The following XDH variants were observed in gnomAD, a reference collection of about 807,000 sequenced individuals.
XDH encodes xanthine dehydrogenase/oxidase.
A neutral mutation model predicts 156.1 loss-of-function variants in XDH; 138 were observed. That is an observed-to-expected ratio of 0.88 (90% CI 0.77 to 1.02). The LOEUF (loss-of-function observed/expected upper bound fraction) is 1.02. XDH is among the 50% of genes least tolerant of loss of function. XDH has a pLI of 0.00. For synonymous variants in XDH, 669 were observed against 625.7 expected (o/e 1.07, Z -1.03); for missense variants, 1,849 against 1,684.9 (o/e 1.10, Z -1.71).
At chr2:31,370,711 A>G (rs1027313733) in intron 17 of XDH, among the ~76,000 whole-genome samples, 1 of 152,238 alleles carries the variant, frequency 6.6e-6, no homozygotes, top group East Asian at 1.9e-4. Context: ...TATAAAGTGA[A>G]TAAGCCAGCC....
intron 4 of XDH, among the ~76,000 whole-genome samples, chr2:31,400,224 C>T (rs929921058): frequency 1.3e-4 from 19 of 149,662 alleles, no homozygotes; most frequent in African/African-American, 4.5e-4. Context: ...CTGGGCCAAG[C>T]TCTGGTAACT....
intron 24 of XDH, among the ~76,000 whole-genome samples, chr2:31,354,170 G>T (rs1291305631): frequency 6.6e-6 from 1 of 152,138 alleles, no homozygotes; most frequent in Non-Finnish European, 1.5e-5. Flanking sequence ...CCTAACCTGG[G>T]TATCAACAAA....
chr2:31,414,496 CGA>C, intron 1 of XDH, 127 bp downstream of exon 1: 5 of 1,361,906 alleles, frequency 3.7e-6, no homozygotes, highest in Non-Finnish European at 5.2e-6. Context: ...ACCTTTAAAG[CGA>C]GAGAGAGAAA....
At chr2:31,413,877 C>T (rs1687408121) in intron 1 of XDH, among the ~76,000 whole-genome samples, 1 of 152,094 alleles carries the variant, frequency 6.6e-6, no homozygotes, top group Admixed American at 6.6e-5. Context: ...CTTGCCCCCT[C>T]TCTCTCTGCA....
chr2:31,377,064 C>T lies in XDH; in HGVS notation c.1416G>A (p.Arg472=), dbSNP rs1384594266. The change falls in exon 14 of 36, where the codon AGG becomes AGA. Residue 472 remains arginine (R), a synonymous_variant. Transcript: ENST00000379416. The stretch of plus-strand genomic sequence containing the variant: ...CTGTTAGCTCTTACTTGGAAAGCTG[C>T]CTCTGAGTGGTCTTGAGGGCTGAGA... ...RTISALKTTQ[R]QLSKLWKEEL... 1.2e-6 allele frequency: 2 copies of T among 1,613,992 alleles called. No individual in the cohort carries two copies. The highest frequency in any genetic ancestry group is 1.7e-6 in the Non-Finnish European group (2 of 1,180,018).
chr2:31,405,693 C>T (rs937985324), intron 2 of XDH, among the ~76,000 whole-genome samples: 2 of 152,142 alleles, frequency 1.3e-5, no homozygotes, highest in South Asian at 2.1e-4. Context: ...CGGGGAGACA[C>T]CTCGAAGATC....
chr2:31,382,018 T>A (rs1360697888), intron 11 of XDH, among the ~76,000 whole-genome samples: 1 of 152,162 alleles, frequency 6.6e-6, no homozygotes, highest in Non-Finnish European at 1.5e-5. Flanking sequence ...CCCGAAAGGA[T>A]TGAGGTGATT....
intron 17 of XDH, among the ~76,000 whole-genome samples, chr2:31,372,017 C>A (rs1312711666): frequency 6.6e-5 from 10 of 152,242 alleles, no homozygotes; most frequent in Non-Finnish European, 1.3e-4. Flanking sequence ...AAGTAACATA[C>A]CCTGCTTGTG....
chr2:31,389,893 TG>T (rs1231369797), intron 6 of XDH, among the ~76,000 whole-genome samples: 2 of 151,782 alleles, frequency 1.3e-5, no homozygotes, highest in African/African-American at 4.8e-5. Context: ...CAGAAAAAAC[TG>T]AGTGGAAGAT....
At chr2:31,381,990 G>C (rs1686448707) in intron 11 of XDH, among the ~76,000 whole-genome samples, 1 of 152,184 alleles carries the variant, frequency 6.6e-6, no homozygotes, top group South Asian at 2.1e-4. Flanking sequence ...TTTGATTGAT[G>C]ATTTCACCCA....
intron 21 of XDH, 43 bp from the exon 22 acceptor site, chr2:31,366,152 G>A: frequency 6.2e-7 from 1 of 1,614,146 alleles, no homozygotes; most frequent in Non-Finnish European, 8.5e-7. Context: ...TGCATTACCT[G>A]AACTTATTTC....
At chr2:31,343,819 C>CTTAT (rs1553411785) in intron 31 of XDH, among the ~76,000 whole-genome samples, 2 of 149,220 alleles carry the variant, frequency 1.3e-5, no homozygotes, top group East Asian at 4.0e-4. Flanking sequence ...ATATGCCTAA[C>CTTAT]ATATATATGT....
intron 24 of XDH, among the ~76,000 whole-genome samples, chr2:31,354,446 G>A: frequency 6.6e-6 from 1 of 152,246 alleles, no homozygotes; most frequent in East Asian, 1.9e-4. Flanking sequence ...CCATCACTGA[G>A]GTGACAAAGA....
intron 24 of XDH, among the ~76,000 whole-genome samples, chr2:31,361,891 G>A (rs906776422): frequency 1.3e-5 from 2 of 152,050 alleles, no homozygotes; most frequent in African/African-American, 2.4e-5. Context: ...GGAATAATAC[G>A]GTCTCTCTGA....
Position 31,349,779 on chromosome 2 carries a change from T to A in XDH, c.2876A>T (p.Lys959Met), listed in dbSNP as rs920702052. Residue 959 changes from lysine (K) to methionine (M), a missense_variant, in exon 26 of 36, where the codon AAG (lysine) becomes ATG (methionine). Physicochemically the swap from Lys to Met is moderately conservative, Grantham distance 95. Transcript: ENST00000379416. ...TCTGGGCAAGGTGAAACCCTCAAGCTTCTGGTTGAAGTGTGTCAGGTCCCC... is the reference window on the plus strand; with the variant it reads ...TCTGGGCAAGGTGAAACCCTCAAGCATCTGGTTGAAGTGTGTCAGGTCCCC... ...KEGDLTHFNQ[K>M]LEGFTLPRCW... 6.2e-7 allele frequency: 1 copy of A among 1,614,176 alleles called. No homozygotes were observed. Among genetic ancestry groups the A allele is most frequent in the Non-Finnish European group, 8.5e-7 (1 of 1,180,034 alleles).
chr2:31,343,312 A>ATATATATATATATATGCATGTT (rs1553411689), intron 31 of XDH, among the ~76,000 whole-genome samples: 271 of 136,422 alleles, frequency 2.0e-3, no homozygotes, highest in African/African-American at 3.4e-3. Flanking sequence ...ATATATATAT[A>ATATATATATATATATGCATGTT]TATATATATA....
chr2:31,381,506 T>C (rs1023400352), intron 12 of XDH, 127 bp downstream of exon 12: 1 of 946,542 alleles, frequency 1.1e-6, no homozygotes. Flanking sequence ...CATGCTTCCC[T>C]GGATCCAAAT....
chr2:31,393,202 G>T (rs1686813284), intron 6 of XDH, among the ~76,000 whole-genome samples: 1 of 152,126 alleles, frequency 6.6e-6, no homozygotes. Context: ...TTTTGGCCTG[G>T]TGCTGTCCAT....
Position 31,337,746 on chromosome 2 carries a change from A to G in XDH, c.3846T>C (p.Ala1282=). 6.2e-7 allele frequency: 1 copy of G among 1,614,202 alleles called. No homozygotes were observed. Among genetic ancestry groups the G allele is most frequent in the East Asian group, 2.2e-5 (1 of 44,886 alleles). ...FFAIKDAIRA[A]RAQHTGNNVK... ...CGTTATTACCTGTGTGCTGAGCTCG[A>G]GCTGCACGGATGGCATCTTTGATGG... is the stretch of plus-strand genomic sequence containing the variant. The change falls in exon 35 of 36, where the codon GCT becomes GCC. Residue 1282 remains alanine, a synonymous_variant. Coordinates refer to ENST00000379416, the MANE Select transcript of XDH (RefSeq NM_000379.4).
Sources: allele counts gnomAD v4.1 joint callset (sites outside exome capture counted in the v4.1 genomes callset), GRCh38; gene constraint gnomAD v4.1.1; transcripts MANE v1.5; gene names NCBI Gene and HGNC (gene_info 2026-07-23, HGNC 2026-07-21).